The following NFASC variants were observed in gnomAD, a reference collection of about 807,000 sequenced individuals.
NFASC encodes neurofascin.
Under a neutral mutation model 147.5 loss-of-function variants are expected in NFASC, and 43 were observed. That is an observed-to-expected ratio of 0.29 (90% CI 0.23 to 0.38). The LOEUF (loss-of-function observed/expected upper bound fraction) is 0.38. Ranked by LOEUF, NFASC falls within the 10% of genes least tolerant of loss-of-function variation. The probability of loss-of-function intolerance (pLI) is 1.00; values close to 1 mark genes in which losing one functional copy is unlikely to be tolerated. For synonymous variants in NFASC, 622 were observed against 665.5 expected, an observed-to-expected ratio of 0.93 and a Z score of 1.01; for missense variants, 1,320 against 1,689.0, an observed-to-expected ratio of 0.78 and a Z score of 3.83.
At chr1:204,852,070 A>G (rs549836625) in intron 1 of NFASC, among the ~76,000 whole-genome samples, 106 of 152,326 alleles carry the variant, frequency 7.0e-4, no homozygotes, top group African/African-American at 2.4e-3. Context: ...AAGAGTCTAC[A>G]TAGCAGAACT....
At chr1:204,922,911 C>T (rs1319343168) in intron 2 of NFASC, among the ~76,000 whole-genome samples, 1 of 152,190 alleles carries the variant, frequency 6.6e-6, no homozygotes, top group Non-Finnish European at 1.5e-5. Context: ...AGCATCTCAG[C>T]ACTCCCCGTG....
rs2095356659 is a variant in NFASC, at chr1:204,974,672, A to G, written c.1407A>G (p.Gln469=). ...CTGTTGTGAGGTTTAAGAATGGGCA[A>G]GGAAGCAACCTGGATGGTGGCAACT... ...IPTLRWFKNG[Q]GSNLDGGNYH... Residue 469 remains glutamine, a synonymous_variant, in exon 14 of 30, where the codon CAA becomes CAG. Transcript: ENST00000339876. 1.2e-6 allele frequency: 2 copies of G among 1,614,250 alleles called. No individual in the cohort carries two copies. The highest frequency in any genetic ancestry group is 2.2e-5 in the East Asian group (1 of 44,886).
intron 1 of NFASC, among the ~76,000 whole-genome samples, chr1:204,880,794 A>C (rs2080046024): frequency 6.6e-6 from 1 of 152,178 alleles, no homozygotes; most frequent in South Asian, 2.1e-4. Flanking sequence ...GGTGTTTCAA[A>C]AGCAAAATTT....
At chr1:204,866,571 T>A (rs565309315) in intron 1 of NFASC, among the ~76,000 whole-genome samples, 1 of 152,360 alleles carries the variant, frequency 6.6e-6, no homozygotes, top group Admixed American at 6.5e-5. Context: ...CTCTCAGGCC[T>A]GTGCCTTATA....
chr1:204,960,023 T>C (rs1281708238), intron 8 of NFASC, among the ~76,000 whole-genome samples: 3 of 152,236 alleles, frequency 2.0e-5, no homozygotes, highest in Admixed American at 2.0e-4. Flanking sequence ...TCTGGGCATC[T>C]GAGCCAGCCC....
rs955229978 is a variant in NFASC at position 205,022,709 on chromosome 1, G to A, written c.*6170G>A. 6.5e-6 allele frequency: 1 copy of A among 152,746 alleles called. No individual in the cohort carries two copies. Among genetic ancestry groups the A allele is most frequent in the South Asian group, 2.1e-4 (1 of 4,830 alleles). 9.5% of individuals were successfully genotyped at this position (152,746 alleles called of 1,614,324 possible). On this transcript the variant is annotated 3_prime_UTR_variant, in exon 30 of 30. Coordinates refer to ENST00000339876, the MANE Select transcript of NFASC (RefSeq NM_001005388.3). The stretch of plus-strand genomic sequence containing the variant: ...TAATACATGGACTTATAAACTGACT[G>A]CATGAGCAATGAAAAGGCCAAATTA...
intron 24 of NFASC, among the ~76,000 whole-genome samples, chr1:204,991,952 T>A (rs1171948835): frequency 6.6e-6 from 1 of 152,094 alleles, no homozygotes; most frequent in Non-Finnish European, 1.5e-5. Context: ...CTTTTCCAAG[T>A]CTTTATCGTT....
intron 27 of NFASC, chr1:205,008,579 G>C (rs2595970): frequency 0.34 from 51,473 of 151,958 alleles, 10,696 homozygotes; most frequent in Non-Finnish European, 0.48. Flanking sequence ...AGAAGGGTGA[G>C]TTGGTACTGA....
Position 204,952,061 on chromosome 1 carries a change from G to C in NFASC, c.160G>C (p.Asp54His). ...GCAGTCAGCGAAGGATCACATCGTG[G>C]ACCCCCGTGATAACATCCTGATTGA... Reference protein sequence around the residue: ...TKQSAKDHIVDPRDNILIECE... With the variant: ...TKQSAKDHIVHPRDNILIECE... The change falls in exon 5 of 30, where the codon GAC (aspartate) becomes CAC (histidine). Residue 54 changes from aspartate (D) to histidine (H), a missense_variant. This residue lies in a region of NFASC where 981 missense variants were observed against 1,289.5 expected (regional missense o/e 0.76). Transcript: ENST00000339876. 4 of 1,614,168 alleles carry C rather than the reference G, an allele frequency of 2.5e-6. No individual in the cohort carries two copies. The highest frequency in any genetic ancestry group is 3.4e-6 in the Non-Finnish European group (4 of 1,180,038).
chr1:204,866,818 T>C (rs539367685), intron 1 of NFASC, among the ~76,000 whole-genome samples: 29 of 152,332 alleles, frequency 1.9e-4, no homozygotes, highest in African/African-American at 7.0e-4. Context: ...TGCTTAGTGA[T>C]GGAGATACAT....
chr1:204,861,894 G>T (rs1317455888), intron 1 of NFASC, among the ~76,000 whole-genome samples: 1 of 152,194 alleles, frequency 6.6e-6, no homozygotes, highest in African/African-American at 2.4e-5. Context: ...ACTTTTGGTT[G>T]GTTTCTGGTT....
chr1:204,850,040 C>A (rs1232645680), intron 1 of NFASC, among the ~76,000 whole-genome samples: 1 of 152,310 alleles, frequency 6.6e-6, no homozygotes, highest in South Asian at 2.1e-4. Context: ...GCTCTGGAAC[C>A]TTCTCCCGAG....
chr1:204,968,886 A>T lies in NFASC; in HGVS notation c.907A>T (p.Ile303Phe). Residue 303 changes from isoleucine to phenylalanine, a missense_variant, in exon 10 of 30, where the codon ATC (isoleucine) becomes TTC (phenylalanine). By Grantham distance (21) the Ile-to-Phe change is conservative (BLOSUM62 0). Around this residue, in one of 3 missense-constraint regions of NFASC, gnomAD observed 981 missense variants for 1,289.5 expected, o/e 0.76. Coordinates refer to ENST00000339876, the MANE Select transcript of NFASC (RefSeq NM_001005388.3). This position sits in a 1 kb window ranked among gnomAD's most constrained non-coding sequence, Gnocchi z 5.4. ...KFENFNKALR[I>F]TNVSEEDSGE... ...TGAGAACTTTAATAAGGCCCTGCGT[A>T]TCACAAATGTCTCTGAGGAAGACTC... is the stretch of plus-strand genomic sequence containing the variant. The T allele has an allele frequency of 1.2e-6, 2 of 1,614,130 alleles. No homozygotes were observed.
At chr1:204,992,800 A>G (rs1470156798) in intron 24 of NFASC, among the ~76,000 whole-genome samples, 2 of 152,106 alleles carry the variant, frequency 1.3e-5, no homozygotes, top group Admixed American at 6.5e-5. Context: ...GGTGGCAGGC[A>G]GTCTGTCTTG....
At chr1:204,993,630 G>A (rs529975068) in intron 24 of NFASC, 1 of 383,958 alleles carries the variant, frequency 2.6e-6, no homozygotes, top group African/African-American at 2.1e-5. Flanking sequence ...AGCCCACTCA[G>A]GATCCCCCCT....
intron 1 of NFASC, among the ~76,000 whole-genome samples, chr1:204,894,874 A>C (rs1319004277): frequency 1.3e-5 from 2 of 152,200 alleles, no homozygotes; most frequent in African/African-American, 4.8e-5. Flanking sequence ...TGGCTCCAGA[A>C]GTTCTAGTGA....
intron 1 of NFASC, among the ~76,000 whole-genome samples, chr1:204,882,116 A>G (rs1285399015): frequency 6.6e-6 from 1 of 152,104 alleles, no homozygotes; most frequent in Non-Finnish European, 1.5e-5. Flanking sequence ...GAAAGACCCT[A>G]TTGCAGTGCT....
Position 204,865,857 on chromosome 1 carries a change from G to C in NFASC, c.-200+37075G>C, listed in dbSNP as rs551760244. On this transcript the variant is annotated intron_variant, in intron 1 of 29. Transcript: ENST00000339876. ...CCAGAGGTAGAACTGTGGGGCCACA[G>C]GATAGAAGTATGTTCAGCCTTAGTA... is the stretch of plus-strand genomic sequence containing the variant. Among the ~76,000 whole-genome samples, 5 of 152,302 alleles carry C rather than the reference G, an allele frequency of 3.3e-5. No individual in the cohort carries two copies. In the South Asian group the frequency reaches 1.0e-3, roughly 32 times the overall value.
At chr1:204,970,786 T>G (rs1328197855) in intron 11 of NFASC, 39 bp downstream of exon 11, 1 of 1,613,646 alleles carries the variant, frequency 6.2e-7, no homozygotes, top group East Asian at 2.2e-5. Flanking sequence ...CTCTCATCTC[T>G]CTGCTGTCAA....
Sources: allele counts gnomAD v4.1 joint callset (sites outside exome capture counted in the v4.1 genomes callset), GRCh38; gene constraint gnomAD v4.1.1; regional missense constraint gnomAD v4.1.1; non-coding constraint Gnocchi (gnomAD v3.1); transcripts MANE v1.5; gene names NCBI Gene and HGNC (gene_info 2026-07-23, HGNC 2026-07-21).